STAC: variants seen among roughly 807,000 people sequenced by gnomAD.
STAC encodes the protein SH3 and cysteine-rich domain-containing protein.
In STAC, 43 loss-of-function variants were observed where a neutral mutation model predicts 48.8. The observed-to-expected ratio is 0.88, with a 90% CI of 0.69 to 1.14. The LOEUF (loss-of-function observed/expected upper bound fraction) is 1.14. Ranked by LOEUF, STAC falls within the 50% of genes most tolerant of loss-of-function variation. The probability of loss-of-function intolerance (pLI) is 0.00; values close to 1 mark genes in which losing one functional copy is unlikely to be tolerated. For missense variants in STAC, 497 were observed against 504.0 expected (o/e 0.99, Z 0.13); for synonymous variants, 193 against 179.5 (o/e 1.07, Z -0.60).
intron 1 of STAC, among the ~76,000 whole-genome samples, chr3:36,414,617 C>T (rs1374344472): frequency 2.6e-5 from 4 of 152,130 alleles, no homozygotes; most frequent in Non-Finnish European, 2.9e-5. Context: ...GCGATGGGTT[C>T]GAACTTTCTC....
intron 1 of STAC, among the ~76,000 whole-genome samples, chr3:36,392,647 C>T (rs541002224): frequency 2.0e-5 from 3 of 152,260 alleles, no homozygotes; most frequent in Admixed American, 6.5e-5. Flanking sequence ...GAATTATAGT[C>T]ATGAGCCCCA....
intron 2 of STAC, among the ~76,000 whole-genome samples, chr3:36,447,831 G>C (rs1258480542): frequency 6.6e-6 from 1 of 152,184 alleles, no homozygotes; most frequent in Admixed American, 6.5e-5. Flanking sequence ...CTGAGGTTCT[G>C]TCCATCATTT....
At chr3:36,485,382 C>G (rs1697776471) in intron 4 of STAC, among the ~76,000 whole-genome samples, 1 of 152,172 alleles carries the variant, frequency 6.6e-6, no homozygotes. Context: ...AGCCCAGCTC[C>G]CTATTGACAA....
chr3:36,413,502 CTT>C (rs904338140), intron 1 of STAC, among the ~76,000 whole-genome samples: 1 of 151,908 alleles, frequency 6.6e-6, no homozygotes, highest in Non-Finnish European at 1.5e-5. Flanking sequence ...ACAACCCCTG[CTT>C]TTTTTTGTTT....
Position 36,547,048 on chromosome 3 carries a change from G to A in STAC, c.*759G>A, listed in dbSNP as rs1699464265. On this transcript the variant is annotated 3_prime_UTR_variant, in exon 11 of 11. Coordinates refer to ENST00000273183, the MANE Select transcript of STAC (RefSeq NM_003149.3). ...GACATAGATACAGTGGGGAGGAGAAGTGGGGAAAGGTGGAGCAGAGAGTTC... is the reference window on the plus strand; with the variant it reads ...GACATAGATACAGTGGGGAGGAGAAATGGGGAAAGGTGGAGCAGAGAGTTC... 2 of 152,474 alleles carry A rather than the reference G, an allele frequency of 1.3e-5. No individual in the cohort carries two copies. The highest frequency in any genetic ancestry group is 2.9e-5 in the Non-Finnish European group (2 of 68,232). 9.4% of individuals were successfully genotyped at this position (152,474 alleles called of 1,614,324 possible).
In STAC at chr3:36,505,766, A is replaced by G. The variant is rs144542317; in HGVS notation, c.852A>G (p.Pro284=). 1.6e-4 allele frequency: 262 copies of G among 1,604,636 alleles called. No homozygotes were observed. The highest frequency in any genetic ancestry group is 2.1e-4 in the Non-Finnish European group (252 of 1,176,720). ...INHQGSLSKD[P]LQMNTYVALY... is the part of the protein sequence containing the mutation. ...TTCAGGGATCTCTTTCCAAAGACCC[A>G]TTACAGATGAACACCTATGTTGCCT... Residue 284 remains proline (P), a synonymous_variant, in exon 8 of 11, where the codon CCA becomes CCG. Transcript: ENST00000273183.
chr3:36,482,151 T>C (rs530016706), intron 2 of STAC, among the ~76,000 whole-genome samples: 5 of 152,236 alleles, frequency 3.3e-5, no homozygotes, highest in Non-Finnish European at 7.3e-5. Context: ...TTCTCTTGTC[T>C]GTGACTAGAT....
intron 8 of STAC, among the ~76,000 whole-genome samples, chr3:36,528,466 T>TAA (rs549661725): frequency 0.027 from 3,618 of 136,474 alleles, 163 homozygotes; most frequent in African/African-American, 0.091. Flanking sequence ...AGACTCTGTT[T>TAA]AAAAAAAAAA....
rs867803431 is a variant in STAC, at chr3:36,443,518, C to T, written c.266C>T (p.Pro89Leu). ...ISPSSSPLPAPGSLTSTPARA... is the reference protein window; with the variant it reads ...ISPSSSPLPALGSLTSTPARA... ...CCCAGCTCCAGCCCACTCCCTGCTCCAGGAAGCCTGACGTCCACACCCGCC... is the reference window on the plus strand; with the variant it reads ...CCCAGCTCCAGCCCACTCCCTGCTCTAGGAAGCCTGACGTCCACACCCGCC... Residue 89 changes from proline (P) to leucine (L), a missense_variant, in exon 2 of 11, where the codon CCA becomes CTA. Pro to Leu is a moderately conservative substitution (Grantham distance 98, BLOSUM62 -3). Transcript: ENST00000273183. The surrounding 1 kb of genome is among the most constrained non-coding windows in gnomAD (Gnocchi z 4.2). 1.9e-6 allele frequency: 3 copies of T among 1,614,218 alleles called. No individual in the cohort carries two copies. Among genetic ancestry groups the T allele is most frequent in the Non-Finnish European group, 2.5e-6 (3 of 1,180,040 alleles).
chr3:36,427,352 T>C (rs1392092914), intron 1 of STAC, among the ~76,000 whole-genome samples: 1 of 152,202 alleles, frequency 6.6e-6, no homozygotes, highest in Non-Finnish European at 1.5e-5. Flanking sequence ...CCAACCAGGA[T>C]TGCCACAGGC....
chr3:36,529,120 C>T (rs1270792558), intron 10 of STAC, 135 bp downstream of exon 10: 3 of 926,500 alleles, frequency 3.2e-6, no homozygotes, highest in Non-Finnish European at 4.5e-6. Flanking sequence ...TATACTTACT[C>T]CAATGATGTC....
intron 2 of STAC, among the ~76,000 whole-genome samples, chr3:36,475,008 T>TGC (rs1402347467): frequency 7.9e-5 from 12 of 152,192 alleles, no homozygotes; most frequent in African/African-American, 2.9e-4. Flanking sequence ...TGTGTGTGTG[T>TGC]GTGCGCGCGC....
At chr3:36,543,361 G>A (rs1282153620) in intron 10 of STAC, among the ~76,000 whole-genome samples, 1 of 152,140 alleles carries the variant, frequency 6.6e-6, no homozygotes, top group Non-Finnish European at 1.5e-5. Context: ...AGTCAAAGCG[G>A]CTGAAGCCTG....
At chr3:36,424,548 T>C (rs6788327) in intron 1 of STAC, among the ~76,000 whole-genome samples, 66,632 of 151,750 alleles carry the variant, frequency 0.44, 14,802 homozygotes, top group African/African-American at 0.5. Flanking sequence ...TAGCAATAAG[T>C]GCATCTAGTG....
At chr3:36,410,334 A>C (rs942142789) in intron 1 of STAC, among the ~76,000 whole-genome samples, 2 of 152,190 alleles carry the variant, frequency 1.3e-5, no homozygotes, top group African/African-American at 2.4e-5. Context: ...TGTGAATGTA[A>C]GTAATAATAG....
chr3:36,527,216 A>G (rs1698957760), intron 8 of STAC, among the ~76,000 whole-genome samples: 1 of 152,248 alleles, frequency 6.6e-6, no homozygotes, highest in South Asian at 2.1e-4. Context: ...AAGTAATAAG[A>G]TAAAGGATAG....
At chr3:36,471,360 G>T (rs1697327926) in intron 2 of STAC, among the ~76,000 whole-genome samples, 1 of 152,136 alleles carries the variant, frequency 6.6e-6, no homozygotes, top group Admixed American at 6.5e-5. Context: ...TTGAGATTTG[G>T]ATGTGAGCAC....
At chr3:36,484,887 G>A (rs1258842611) in intron 3 of STAC, 90 bp from the exon 4 acceptor site, 4 of 1,021,360 alleles carry the variant, frequency 3.9e-6, no homozygotes, top group African/African-American at 1.7e-5. Flanking sequence ...TGCTCCTGGA[G>A]AAACCAATTG....
At chr3:36,472,119 T>C (rs1490413524) in intron 2 of STAC, among the ~76,000 whole-genome samples, 1 of 152,226 alleles carries the variant, frequency 6.6e-6, no homozygotes, top group Non-Finnish European at 1.5e-5. Flanking sequence ...TTCCCAAACC[T>C]CAGTTCTTGA....
Sources: gnomAD v4.1 joint callset for allele counts (sites outside exome capture counted in the v4.1 genomes callset) on GRCh38, gnomAD v4.1.1 for gene constraint, Gnocchi (gnomAD v3.1) non-coding constraint, MANE v1.5 for transcripts, NCBI Gene and HGNC (gene_info 2026-07-23, HGNC 2026-07-21) for gene names.